The following PIRT variants were observed in gnomAD, a reference collection of about 807,000 sequenced individuals.
PIRT encodes phosphoinositide interacting regulator of transient receptor potential channels.
In PIRT, 6 loss-of-function variants were observed where a neutral mutation model predicts 7.9. The ratio of observed to expected loss-of-function variants is 0.76; its 90% confidence interval spans 0.42 to 1.51. PIRT has a LOEUF of 1.51. Among genes scored for constraint, PIRT ranks in the 40% most tolerant of loss-of-function variants. The pLI, the probability that PIRT is intolerant of heterozygous loss-of-function variation, is 0.01. For missense variants in PIRT, 170 were observed against 172.9 expected, an observed-to-expected ratio of 0.98 and a Z score of 0.09; for synonymous variants, 78 against 71.8, an observed-to-expected ratio of 1.09 and a Z score of -0.44.
At chr17:10,834,896 G>GTTT (rs35273994) in intron 1 of PIRT, among the ~76,000 whole-genome samples, 29 of 139,222 alleles carry the variant, frequency 2.1e-4, no homozygotes, top group Middle Eastern at 3.4e-3. Context: ...AGCGTTGTTT[G>GTTT]TTTTTTTTTT....
chr17:10,834,005 G>C (rs769281229), intron 1 of PIRT, among the ~76,000 whole-genome samples: 1 of 152,038 alleles, frequency 6.6e-6, no homozygotes, highest in Non-Finnish European at 1.5e-5. Context: ...GGAACAACCC[G>C]AGCTGGTGGG....
chr17:10,834,159 T>A (rs1286455947), intron 1 of PIRT, among the ~76,000 whole-genome samples: 1 of 152,048 alleles, frequency 6.6e-6, no homozygotes, highest in African/African-American at 2.4e-5. Flanking sequence ...CATAAAAGCT[T>A]TATTCATAAT....
At chr17:10,830,947 T>C (rs1384866240) in intron 1 of PIRT, among the ~76,000 whole-genome samples, 1 of 152,208 alleles carries the variant, frequency 6.6e-6, no homozygotes, top group African/African-American at 2.4e-5. Flanking sequence ...CTCCCTGTTG[T>C]TATCATCACA....
Position 10,833,365 on chromosome 17 carries a change from A to G in PIRT, c.-139+4580T>C, listed in dbSNP as rs557124690. On this transcript the variant is annotated intron_variant, in intron 1 of 1. Coordinates refer to ENST00000580256, the MANE Select transcript of PIRT (RefSeq NM_001101387.2). ...ACAGAAAAAAAAATCAATAAAATAGATATCATCAAAATTTAAAATGCCTGC... is the reference window on the plus strand; with the variant it reads ...ACAGAAAAAAAAATCAATAAAATAGGTATCATCAAAATTTAAAATGCCTGC... Among the ~76,000 whole-genome samples the G allele has an allele frequency of 2.6e-4, 39 of 152,338 alleles. 1 individual carries two copies. The South Asian group carries it at 8.1e-3, about 32-fold the overall frequency.
chr17:10,825,322 C>A lies in PIRT; in HGVS notation c.324G>T (p.Leu108=), dbSNP rs931518337. The change falls in exon 2 of 2, where the codon CTG becomes CTT. Residue 108 remains leucine, a synonymous_variant. Transcript: ENST00000580256. ...SLGLMMLVCG[L]VWVPIIKKKQ... ...TCTTTTTGATGATGGGCACCCACACCAGCCCGCACACCAGCATCATGAGTC... is the reference window on the plus strand; with the variant it reads ...TCTTTTTGATGATGGGCACCCACACAAGCCCGCACACCAGCATCATGAGTC... The A allele has an allele frequency of 1.9e-5, 31 of 1,613,964 alleles. No homozygotes were observed. Among genetic ancestry groups the A allele is most frequent in the Non-Finnish European group, 2.6e-5 (31 of 1,179,886 alleles).
chr17:10,824,770 G>C lies in PIRT; in HGVS notation c.*462C>G, dbSNP rs144841777. ...GGGCTGTCAAACCCAATGGGTCAGA[G>C]CTCAGCCATCCCTCCCTCCTCTGTA... On this transcript the variant is annotated 3_prime_UTR_variant, in exon 2 of 2. Transcript: ENST00000580256. 1 of 167,020 alleles carries C rather than the reference G, an allele frequency of 6.0e-6. No homozygotes were observed. The highest frequency in any genetic ancestry group is 1.3e-5 in the Non-Finnish European group (1 of 76,396). The allele number at this position is 167,020 out of a possible 1,614,324, so 10.3% of individuals were successfully genotyped here.
chr17:10,828,903 T>G (rs145970200), intron 1 of PIRT, among the ~76,000 whole-genome samples: 36 of 151,026 alleles, frequency 2.4e-4, no homozygotes, highest in African/African-American at 8.9e-4. Flanking sequence ...CTTGGTAATG[T>G]TACAGTTTGG....
intron 1 of PIRT, among the ~76,000 whole-genome samples, chr17:10,827,875 A>G (rs985249082): frequency 2.0e-5 from 3 of 152,210 alleles, no homozygotes; most frequent in African/African-American, 7.2e-5. Flanking sequence ...GATATTAGGT[A>G]CTTTCCTGAG....
intron 1 of PIRT, among the ~76,000 whole-genome samples, chr17:10,828,265 G>T (rs1172759353): frequency 6.6e-6 from 1 of 152,102 alleles, no homozygotes; most frequent in Non-Finnish European, 1.5e-5. Flanking sequence ...GCTGTTCTCT[G>T]AGGGTCCCTT....
chr17:10,833,046 G>A (rs955533955), intron 1 of PIRT, among the ~76,000 whole-genome samples: 3 of 152,164 alleles, frequency 2.0e-5, no homozygotes. Flanking sequence ...GACAAGAAAA[G>A]GGAAGGGAAG....
chr17:10,825,760 T>C lies in PIRT; in HGVS notation c.-115A>G, dbSNP rs1018662115. ...CATCCATCTCTAGCCCCGCTCTCAGTGGAGGGTGAACAAGGTTTTTGTGCT... is the reference window on the plus strand; with the variant it reads ...CATCCATCTCTAGCCCCGCTCTCAGCGGAGGGTGAACAAGGTTTTTGTGCT... On this transcript the variant is annotated 5_prime_UTR_variant, in exon 2 of 2. Transcript: ENST00000580256. The C allele has an allele frequency of 8.5e-6, 9 of 1,058,644 alleles. No individual in the cohort carries two copies. In the African/African-American group the frequency reaches 1.3e-4, roughly 15 times the overall value. The allele number at this position is 1,058,644 out of a possible 1,614,324, so 65.6% of individuals were successfully genotyped here.
rs142107293 is a variant in PIRT, at chr17:10,828,958, T to C, written c.-138-3175A>G. On this transcript the variant is annotated intron_variant, in intron 1 of 1. Coordinates refer to ENST00000580256, the MANE Select transcript of PIRT (RefSeq NM_001101387.2). ...CTGAAAATATTACAAGGTGCTTTTG[T>C]AACTGTAGGCACCCAGTGTGTGCTT... 2.2e-4 allele frequency among the ~76,000 whole-genome samples: 34 copies of C among 152,352 alleles called. No homozygotes were observed. In the East Asian group the frequency reaches 6.6e-3, roughly 29 times the overall value.
In PIRT at chr17:10,822,620, C is replaced by T. The variant is rs966590277; in HGVS notation, c.*2612G>A. On this transcript the variant is annotated 3_prime_UTR_variant, in exon 2 of 2. Coordinates refer to ENST00000580256, the MANE Select transcript of PIRT (RefSeq NM_001101387.2). Reference sequence around the variant, plus strand: ...CTGGTTCTGTCCTTTGACCCACTGACGTGAAAAGAGTCATTGCAGGTGATG... The same window carrying T: ...CTGGTTCTGTCCTTTGACCCACTGATGTGAAAAGAGTCATTGCAGGTGATG... 7 of 152,148 alleles carry T rather than the reference C, an allele frequency of 4.6e-5. No homozygotes were observed. Among genetic ancestry groups the T allele is most frequent in the African/African-American group, 7.2e-5 (3 of 41,420 alleles). The allele number at this position is 152,148 out of a possible 1,614,324, so 9.4% of individuals were successfully genotyped here. A position where few individuals can be genotyped will look rare whatever the true frequency, so the allele number is the denominator to read the frequency against.
chr17:10,836,245 G>A (rs546117396), intron 1 of PIRT, among the ~76,000 whole-genome samples: 2 of 152,196 alleles, frequency 1.3e-5, no homozygotes, highest in Admixed American at 6.5e-5. Context: ...AGAGGGCCCT[G>A]CCTTTTTTTC....
intron 1 of PIRT, among the ~76,000 whole-genome samples, chr17:10,831,155 G>C (rs1488929025): frequency 6.6e-6 from 1 of 152,152 alleles, no homozygotes; most frequent in Non-Finnish European, 1.5e-5. Flanking sequence ...ATGTGGCCCA[G>C]ATGCTGCAGC....
In PIRT at chr17:10,833,023, G is replaced by A. The variant is rs112525485; in HGVS notation, c.-139+4922C>T. ...ACCTCTTACATGGATATGTGGTAGG[G>A]ACAGGGATGCCAGACAAGAAAAGGG... On this transcript the variant is annotated intron_variant, in intron 1 of 1. Coordinates refer to ENST00000580256, the MANE Select transcript of PIRT (RefSeq NM_001101387.2). Among the ~76,000 whole-genome samples the A allele has an allele frequency of 1.9e-3, 293 of 152,310 alleles. 1 individual carries two copies. The highest frequency in any genetic ancestry group is 6.7e-3 in the African/African-American group (279 of 41,568).
At chr17:10,826,345 C>A (rs1157701194) in intron 1 of PIRT, among the ~76,000 whole-genome samples, 1 of 152,212 alleles carries the variant, frequency 6.6e-6, no homozygotes, top group Non-Finnish European at 1.5e-5. Flanking sequence ...TACTCAACCT[C>A]TCTTTGTCTC....
intron 1 of PIRT, among the ~76,000 whole-genome samples, chr17:10,831,916 C>T (rs963449673): frequency 2.0e-5 from 3 of 152,020 alleles, no homozygotes; most frequent in Non-Finnish European, 4.4e-5. Context: ...CCCTGGAGGC[C>T]AGTTTGGAGC....
At position 10,834,133 on chromosome 17, in the gene PIRT, CTTCT is replaced by C. The variant is rs560067476; in HGVS notation, c.-139+3808_-139+3811del. Reference sequence around the variant, plus strand: ...ATGAAAAGGCATGTCTGCAAAAAGACTTCTTTAAGAATAGTCATAAAAGCTTTAT... The same window carrying C: ...ATGAAAAGGCATGTCTGCAAAAAGACTTAAGAATAGTCATAAAAGCTTTAT... On this transcript the variant is annotated intron_variant, in intron 1 of 1. Transcript: ENST00000580256. Among the ~76,000 whole-genome samples, 629 of 151,712 alleles carry C rather than the reference CTTCT, an allele frequency of 4.1e-3. 6 individuals are homozygous for C. The highest frequency in any genetic ancestry group is 0.015 in the African/African-American group (617 of 41,310).
Sources: gnomAD v4.1 joint callset for allele counts (sites outside exome capture counted in the v4.1 genomes callset) on GRCh38, gnomAD v4.1.1 for gene constraint, MANE v1.5 for transcripts, NCBI Gene and HGNC (gene_info 2026-07-23, HGNC 2026-07-21) for gene names.